ACYP2: variants seen among roughly 807,000 people sequenced by gnomAD.
The protein encoded by ACYP2 is acylphosphatase-2.
Under a neutral mutation model 11.2 loss-of-function variants are expected in ACYP2, and 12 were observed. That is an observed-to-expected ratio of 1.08 (90% confidence interval 0.69 to 1.74). The LOEUF is 1.74. Ranked by LOEUF, ACYP2 falls within the 40% of genes most tolerant of loss-of-function variation. The pLI is 0.00. For synonymous variants in ACYP2, 43 were observed against 32.2 expected (o/e 1.33, Z -1.13); for missense variants, 134 against 101.9 (o/e 1.31, Z -1.35).
intron 6 of ACYP2, among the ~76,000 whole-genome samples, chr2:54,301,362 C>A (rs970866013): frequency 3.3e-5 from 5 of 152,180 alleles, no homozygotes; most frequent in Admixed American, 3.3e-4. Flanking sequence ...CTCTGAGTAC[C>A]TTGACCAGAG....
intron 4 of ACYP2, among the ~76,000 whole-genome samples, chr2:54,094,671 A>G (rs536631624): frequency 1.3e-5 from 2 of 150,842 alleles, no homozygotes; most frequent in Admixed American, 1.3e-4. Flanking sequence ...CCAAGTAGCC[A>G]GGACTACAGG....
At chr2:54,227,600 G>A (rs1686062552) in intron 6 of ACYP2, among the ~76,000 whole-genome samples, 1 of 150,520 alleles carries the variant, frequency 6.6e-6, no homozygotes, top group Non-Finnish European at 1.5e-5. Flanking sequence ...CTCCACCCTG[G>A]CAACAGAGCA....
At chr2:54,164,009 G>A (rs1558580314) in intron 6 of ACYP2, among the ~76,000 whole-genome samples, 1 of 152,212 alleles carries the variant, frequency 6.6e-6, no homozygotes, top group African/African-American at 2.4e-5. Context: ...TTATGCCTGT[G>A]AAAGTTAATT....
chr2:54,075,792 G>A (rs988362325), intron 4 of ACYP2, among the ~76,000 whole-genome samples: 17 of 151,394 alleles, frequency 1.1e-4, no homozygotes, highest in African/African-American at 3.2e-4. Flanking sequence ...CAGCCTGGGC[G>A]ATAGAACAAG....
chr2:54,215,360 T>C (rs569796162), intron 6 of ACYP2, among the ~76,000 whole-genome samples: 37 of 152,334 alleles, frequency 2.4e-4, no homozygotes, highest in African/African-American at 8.9e-4. Flanking sequence ...CTTTTGCCTA[T>C]TGAGTATGAT....
intron 1 of ACYP2, among the ~76,000 whole-genome samples, chr2:53,971,658 T>A (rs945780740): frequency 5.9e-5 from 9 of 152,200 alleles, no homozygotes; most frequent in Non-Finnish European, 1.0e-4. Context: ...AATTACAAGA[T>A]AATGCTCTTA....
At chr2:54,127,777 T>C (rs2103757826) in intron 4 of ACYP2, among the ~76,000 whole-genome samples, 1 of 146,910 alleles carries the variant, frequency 6.8e-6, no homozygotes, top group African/African-American at 2.5e-5. Context: ...AAAAAGCTTC[T>C]GGAATTTCAT....
intron 6 of ACYP2, among the ~76,000 whole-genome samples, chr2:54,271,071 G>A (rs1163155176): frequency 6.6e-6 from 1 of 152,200 alleles, no homozygotes; most frequent in Admixed American, 6.5e-5. Flanking sequence ...TGCCTCACAG[G>A]TGGTGCTCCT....
intron 6 of ACYP2, among the ~76,000 whole-genome samples, chr2:54,201,191 C>T (rs997703920): frequency 3.3e-5 from 5 of 151,812 alleles, no homozygotes; most frequent in Non-Finnish European, 5.9e-5. Context: ...CTGCAAGCTC[C>T]GCCTCCTGGG....
chr2:54,141,875 T>C, intron 6 of ACYP2: 1 of 639,078 alleles, frequency 1.6e-6, no homozygotes, highest in Non-Finnish European at 2.9e-6. Context: ...TCTTGCTCTC[T>C]CTCCTAGGCT....
chr2:54,197,085 C>G (rs1463658531), intron 6 of ACYP2, among the ~76,000 whole-genome samples: 2 of 152,060 alleles, frequency 1.3e-5, no homozygotes, highest in African/African-American at 4.8e-5. Flanking sequence ...CAAAATGAGG[C>G]TTAGAGATTA....
At chr2:54,106,473 CAA>C in intron 4 of ACYP2, among the ~76,000 whole-genome samples, 1 of 152,250 alleles carries the variant, frequency 6.6e-6, no homozygotes, top group South Asian at 2.1e-4. Flanking sequence ...ATTTACTTAA[CAA>C]GAGATCTCTG....
chr2:54,154,084 C>T (rs1312662136), intron 6 of ACYP2, among the ~76,000 whole-genome samples: 2 of 150,968 alleles, frequency 1.3e-5, no homozygotes, highest in African/African-American at 4.9e-5. Context: ...GTAAATGAGA[C>T]TGTTTTCTAT....
intron 6 of ACYP2, chr2:54,141,983 T>TTG (rs56673055): frequency 0.074 from 34,113 of 458,030 alleles, 733 homozygotes; most frequent in African/African-American, 0.097. Flanking sequence ...GCTGGCTAAT[T>TTG]TGTGTGTGTG....
chr2:54,043,294 C>T (rs1030746543), intron 2 of ACYP2, among the ~76,000 whole-genome samples: 3 of 152,122 alleles, frequency 2.0e-5, no homozygotes, highest in African/African-American at 7.2e-5. Flanking sequence ...ACAGGCACTC[C>T]TACTCAGACC....
At position 54,137,734 on chromosome 2, in the gene ACYP2, A is replaced by T. The variant is rs192299629; in HGVS notation, c.295-905A>T. On this transcript the variant is annotated intron_variant, in intron 5 of 6. Coordinates refer to ENST00000607452, the MANE Select transcript of ACYP2 (RefSeq NM_001320586.2). Reference sequence around the variant, plus strand: ...TCTTGGCTATTGTGAATACTGCTGTAGTGAACATATGTGTGTATGTGTGTT... The same window carrying T: ...TCTTGGCTATTGTGAATACTGCTGTTGTGAACATATGTGTGTATGTGTGTT... Among the ~76,000 whole-genome samples the T allele has an allele frequency of 2.2e-3, 331 of 152,328 alleles. 2 individuals are homozygous for T. Among genetic ancestry groups the T allele is most frequent in the African/African-American group, 7.7e-3 (319 of 41,566 alleles).
chr2:54,020,760 G>A (rs1480580894), intron 2 of ACYP2, among the ~76,000 whole-genome samples: 1 of 152,106 alleles, frequency 6.6e-6, no homozygotes, highest in Non-Finnish European at 1.5e-5. Flanking sequence ...AAATAGTTTT[G>A]GAGCTCTTAT....
At chr2:54,014,966 A>G (rs1205218945) in intron 2 of ACYP2, among the ~76,000 whole-genome samples, 2 of 152,036 alleles carry the variant, frequency 1.3e-5, no homozygotes, top group Non-Finnish European at 2.9e-5. Flanking sequence ...CTTCAATATT[A>G]TATTGTAGTA....
Position 54,135,485 on chromosome 2 carries a change from C to G in ACYP2, c.294+16C>G, listed in dbSNP as rs761017970. On this transcript the variant is annotated intron_variant, in intron 5 of 6. Coordinates refer to ENST00000607452, the MANE Select transcript of ACYP2 (RefSeq NM_001320586.2). Reference sequence around the variant, plus strand: ...CTTCAGAATGGTAAGTCAGTACAATCTTTATTATTTTGCTATTTTTTTTCC... The same window carrying G: ...CTTCAGAATGGTAAGTCAGTACAATGTTTATTATTTTGCTATTTTTTTTCC... 1 of 1,601,308 alleles carries G rather than the reference C, an allele frequency of 6.2e-7. No individual in the cohort carries two copies. Among genetic ancestry groups the G allele is most frequent in the Non-Finnish European group, 8.5e-7 (1 of 1,173,308 alleles).
Sources: allele counts gnomAD v4.1 joint callset (sites outside exome capture counted in the v4.1 genomes callset), GRCh38; gene constraint gnomAD v4.1.1; transcripts MANE v1.5; gene names NCBI Gene and HGNC (gene_info 2026-07-23, HGNC 2026-07-21).